Variants in SLC25A28 observed in about 807,000 individuals in gnomAD.
SLC25A28 encodes the protein solute carrier family 25 member 28, also known as mitoferrin-2.
SLC25A28 carries 10 observed loss-of-function variants against 31.9 expected under a neutral mutation model. The observed-to-expected ratio is 0.31, with a 90% CI of 0.19 to 0.53. SLC25A28 has a LOEUF of 0.53. SLC25A28 is among the 20% of genes least tolerant of loss of function. The pLI is 0.95. For synonymous variants in SLC25A28, 208 were observed against 203.6 expected (o/e 1.02, Z -0.19); for missense variants, 256 against 490.3 (o/e 0.52, Z 4.51).
the SLC25A28 span, among the ~76,000 whole-genome samples, chr10:99,642,466 G>A: frequency 2.0e-5 from 3 of 152,114 alleles, no homozygotes; most frequent in Non-Finnish European, 2.9e-5. Context: ...GGAGGTTTTG[G>A]GATGAGACGA....
At chr10:99,647,296 C>G in the SLC25A28 span, among the ~76,000 whole-genome samples, 1 of 152,130 alleles carries the variant, frequency 6.6e-6, no homozygotes, top group Admixed American at 6.6e-5. Context: ...TATAATTGTT[C>G]CCCTTTTTCC....
At chr10:99,612,262 C>T (rs1485071938) in intron 3 of SLC25A28, among the ~76,000 whole-genome samples, 1 of 152,158 alleles carries the variant, frequency 6.6e-6, no homozygotes, top group Admixed American at 6.5e-5. Flanking sequence ...ACTTTCAGGA[C>T]AGATCAAATC....
chr10:99,613,062 C>T lies in SLC25A28; in HGVS notation c.521-463G>A, dbSNP rs1488823369. ...CTAACATTTGTCTACAAAGATCTTT[C>T]GTTCAGGTCCTGAACTACTCTACCC... is the stretch of plus-strand genomic sequence containing the variant. On this transcript the variant is annotated intron_variant, in intron 2 of 3. Transcript: ENST00000370495. The surrounding 1 kb of genome is among the most constrained non-coding windows in gnomAD (Gnocchi z 4.9). Among the ~76,000 whole-genome samples the T allele has an allele frequency of 2.0e-5, 3 of 152,144 alleles. No homozygotes were observed. Among genetic ancestry groups the T allele is most frequent in the Non-Finnish European group, 4.4e-5 (3 of 68,020 alleles).
At chr10:99,634,367 G>A in the SLC25A28 span, among the ~76,000 whole-genome samples, 2 of 152,096 alleles carry the variant, frequency 1.3e-5, no homozygotes, top group African/African-American at 4.8e-5. Flanking sequence ...ACCAGAGAAA[G>A]GTGAAGCCCA....
chr10:99,613,810 C>T lies in SLC25A28; in HGVS notation c.406G>A (p.Val136Ile), dbSNP rs377534957. The change falls in exon 2 of 4, where the codon GTC (valine) becomes ATC (isoleucine). Residue 136 changes from valine to isoleucine, a missense_variant. Coordinates refer to ENST00000370495, the MANE Select transcript of SLC25A28 (RefSeq NM_031212.4). The surrounding 1 kb of genome is among the most constrained non-coding windows in gnomAD (Gnocchi z 4.9). ...GCAGGCCCTGCGCCTGTTGCTGTGA[C>T]GTTCAGCCCCCTCATGGGCCTCCAT... is the stretch of plus-strand genomic sequence containing the variant. The part of the protein sequence containing the change: ...GLWRPMRGLN[V>I]TATGAGPAHA... The T allele has an allele frequency of 2.2e-5, 36 of 1,614,234 alleles. No individual in the cohort carries two copies. The highest frequency in any genetic ancestry group is 2.7e-5 in the Non-Finnish European group (32 of 1,180,034).
At chr10:99,649,717 ACTT>A in the SLC25A28 span, among the ~76,000 whole-genome samples, 13 of 152,118 alleles carry the variant, frequency 8.5e-5, no homozygotes, top group African/African-American at 3.1e-4. Flanking sequence ...AAATTTACCC[ACTT>A]CTTCTAGGTA....
chr10:99,620,714 G>A (rs910478545), upstream of SLC25A28: 19 of 985,652 alleles, frequency 1.9e-5, no homozygotes, highest in Middle Eastern at 5.2e-4. Context: ...GAAACTTAAG[G>A]CTGAACTTTG....
At chr10:99,652,724 C>T in the SLC25A28 span, among the ~76,000 whole-genome samples, 1 of 152,134 alleles carries the variant, frequency 6.6e-6, no homozygotes, top group Non-Finnish European at 1.5e-5. Flanking sequence ...ATTTGCCATA[C>T]TGTACCCCCA....
rs2034498403 is a variant in SLC25A28, at chr10:99,610,598, C to G, written c.*251G>C. On this transcript the variant is annotated 3_prime_UTR_variant, in exon 4 of 4. Transcript: ENST00000370495. ...TCTATAACAGTCTAGAGCAGGTCAT[C>G]AGGCCCAGGATGGAGAGAGGTTATC... The G allele has an allele frequency of 7.5e-6, 4 of 530,922 alleles. No individual in the cohort carries two copies. Among genetic ancestry groups the G allele is most frequent in the Non-Finnish European group, 3.4e-6 (1 of 294,546 alleles). The allele number at this position is 530,922 out of a possible 1,614,324, so 32.9% of individuals were successfully genotyped here. A position where few individuals can be genotyped will look rare whatever the true frequency, so the allele number is the denominator to read the frequency against.
chr10:99,650,479 C>T, the SLC25A28 span, among the ~76,000 whole-genome samples: 49 of 151,784 alleles, frequency 3.2e-4, no homozygotes, highest in Middle Eastern at 3.4e-3. Flanking sequence ...GGATGGGCAG[C>T]AGGTGCAGCT....
the SLC25A28 span, among the ~76,000 whole-genome samples, chr10:99,643,501 T>A: frequency 0.84 from 127,505 of 151,864 alleles, 53,767 homozygotes; most frequent in Middle Eastern, 0.92. Flanking sequence ...ATTTTGTTGA[T>A]CTTTTCAAAA....
rs1287574593 is a variant in SLC25A28 at position 99,613,556 on chromosome 10, T to C, written c.520+140A>G. On this transcript the variant is annotated intron_variant, in intron 2 of 3. Transcript: ENST00000370495. The surrounding 1 kb of genome is among the most constrained non-coding windows in gnomAD (Gnocchi z 4.9). ...GGCCCGTTGTCTGAGAACATCAGGT[T>C]TGGAAGTCCCTCCCTTATAATCTGG... is the stretch of plus-strand genomic sequence containing the variant. 4 of 1,503,450 alleles carry C rather than the reference T, an allele frequency of 2.7e-6. No individual in the cohort carries two copies. In the East Asian group the frequency reaches 9.8e-5, roughly 37 times the overall value. The allele number at this position is 1,503,450 out of a possible 1,614,324, so 93.1% of individuals were successfully genotyped here. A position where few individuals can be genotyped will look rare whatever the true frequency, so the allele number is the denominator to read the frequency against.
chr10:99,650,296 G>C, the SLC25A28 span, among the ~76,000 whole-genome samples: 1 of 152,246 alleles, frequency 6.6e-6, no homozygotes, highest in African/African-American at 2.4e-5. Context: ...TTCTGCTTCA[G>C]CCTCCTGGGT....
intron 1 of SLC25A28, chr10:99,617,413 T>C (rs1037907531): frequency 5.0e-5 from 49 of 985,332 alleles, no homozygotes; most frequent in Non-Finnish European, 5.9e-5. Flanking sequence ...CAAAAGGCAA[T>C]GTCAGCTTTC....
In SLC25A28 at chr10:99,613,671, G is replaced by T. The variant is rs149129501; in HGVS notation, c.520+25C>A. 22 of 1,613,996 alleles carry T rather than the reference G, an allele frequency of 1.4e-5. No homozygotes were observed. Among genetic ancestry groups the T allele is most frequent in the Non-Finnish European group, 1.8e-5 (21 of 1,180,026 alleles). On this transcript the variant is annotated intron_variant, in intron 2 of 3. Transcript: ENST00000370495. This position sits in a 1 kb window ranked among gnomAD's most constrained non-coding sequence, Gnocchi z 4.9. The stretch of plus-strand genomic sequence containing the variant: ...AGCCCAAAGAGTTGGGAAAGTGGGG[G>T]AACCAGCACAGGAAGGCTCAATACC...
chr10:99,622,915 A>T (rs535943847), upstream of SLC25A28, among the ~76,000 whole-genome samples: 9 of 152,288 alleles, frequency 5.9e-5, no homozygotes, highest in South Asian at 1.5e-3. Context: ...GGACAGACAT[A>T]GTCCATGTTC....
chr10:99,618,464 C>G, intron 1 of SLC25A28: 2 of 985,420 alleles, frequency 2.0e-6, no homozygotes, highest in South Asian at 9.4e-5. Flanking sequence ...TACTCTGCAG[C>G]TAGATTATAT....
chr10:99,616,367 G>T, intron 1 of SLC25A28: 1 of 820,012 alleles, frequency 1.2e-6, no homozygotes, highest in Non-Finnish European at 1.5e-6. Context: ...GGGCTGTTGT[G>T]GGGATTAAAA....
At chr10:99,616,164 C>T (rs2034648333) in intron 1 of SLC25A28, 1 of 985,372 alleles carries the variant, frequency 1.0e-6, no homozygotes, top group Non-Finnish European at 1.2e-6. Flanking sequence ...AAAACTTCTA[C>T]CTGGCTTTGG....
Sources: gnomAD v4.1 joint callset for allele counts (sites outside exome capture counted in the v4.1 genomes callset) on GRCh38, gnomAD v4.1.1 for gene constraint, Gnocchi (gnomAD v3.1) non-coding constraint, MANE v1.5 for transcripts, NCBI Gene and HGNC (gene_info 2026-07-23, HGNC 2026-07-21) for gene names.